The following PIK3CD variants were observed in gnomAD, a reference collection of about 807,000 sequenced individuals.
The protein encoded by PIK3CD is phosphatidylinositol 4,5-bisphosphate 3-kinase catalytic subunit delta isoform.
PIK3CD carries 20 observed loss-of-function variants against 122.9 expected under a neutral mutation model. The observed-to-expected ratio is 0.16, with a 90% CI of 0.11 to 0.24. PIK3CD has a LOEUF of 0.24. Ranked by LOEUF, PIK3CD falls within the 10% of genes least tolerant of loss-of-function variation. The probability of loss-of-function intolerance (pLI) is 1.00; values close to 1 mark genes in which losing one functional copy is unlikely to be tolerated. For synonymous variants in PIK3CD, 596 were observed against 593.4 expected, an observed-to-expected ratio of 1.00 and a Z score of -0.06; for missense variants, 787 against 1,406.3, an observed-to-expected ratio of 0.56 and a Z score of 7.04.
chr1:9,645,804 A>G, the PIK3CD span, among the ~76,000 whole-genome samples: 1 of 151,966 alleles, frequency 6.6e-6, no homozygotes, highest in East Asian at 1.9e-4. Context: ...ATGGGGTTTC[A>G]CCTGTTGGCC....
At chr1:9,726,138 G>A (rs900799703) in intron 23 of PIK3CD, among the ~76,000 whole-genome samples, 9 of 152,064 alleles carry the variant, frequency 5.9e-5, no homozygotes, top group African/African-American at 1.9e-4. Flanking sequence ...ACTTGAACAC[G>A]AGAGACTGAG....
Position 9,719,849 on chromosome 1 carries a change from C to A in PIK3CD, c.1243-72C>A. ...CTCTGGGTCTTCTCGGGTGGGGTGC[C>A]TGGGGGAGGGCAGGGAAGCTGGGTC... On this transcript the variant is annotated intron_variant, in intron 9 of 23. Transcript: ENST00000377346. This position sits in a 1 kb window ranked among gnomAD's most constrained non-coding sequence, Gnocchi z 5.5. 8.0e-7 allele frequency: 1 copy of A among 1,247,768 alleles called. No individual in the cohort carries two copies. Among genetic ancestry groups the A allele is most frequent in the Non-Finnish European group, 1.2e-6 (1 of 846,822 alleles). 77.3% of individuals were successfully genotyped at this position (1,247,768 alleles called of 1,614,324 possible).
At chr1:9,632,622 C>T in the PIK3CD span, among the ~76,000 whole-genome samples, 3 of 152,126 alleles carry the variant, frequency 2.0e-5, no homozygotes, top group Admixed American at 6.6e-5. Flanking sequence ...ACAAAGCACG[C>T]GCTGCAGCAT....
At chr1:9,650,912 TG>T (rs1644659438), upstream of PIK3CD, among the ~76,000 whole-genome samples, 1 of 152,178 alleles carries the variant, frequency 6.6e-6, no homozygotes, top group Non-Finnish European at 1.5e-5. Context: ...GGTGCCATCA[TG>T]GATCACTGCA....
Position 9,696,726 on chromosome 1 carries a change from A to C in PIK3CD, c.-33+5155A>C, listed in dbSNP as rs574314489. ...CTCAGCCTGGATGAGACCCTGTCCCAAAAAAAAAAAAAGAGAGAAGAAAAA... is the reference window on the plus strand; with the variant it reads ...CTCAGCCTGGATGAGACCCTGTCCCCAAAAAAAAAAAAGAGAGAAGAAAAA... On this transcript the variant is annotated intron_variant, in intron 2 of 23. Transcript: ENST00000377346. Among the ~76,000 whole-genome samples the C allele has an allele frequency of 3.2e-3, 428 of 135,690 alleles. 1 individual carries two copies. Among genetic ancestry groups the C allele is most frequent in the African/African-American group, 0.011 (401 of 35,510 alleles). The allele number at this position is 135,690 out of a possible 152,430, so 89.0% of individuals were successfully genotyped here.
chr1:9,647,479 CTAATTATTATTATTAT>C (rs1289359501), upstream of PIK3CD, among the ~76,000 whole-genome samples: 1 of 108,130 alleles, frequency 9.2e-6, no homozygotes, highest in African/African-American at 3.8e-5. Context: ...ATTCATGATT[CTAATTATTATTATTAT>C]TATTATTATT....
rs1646763897 is a variant in PIK3CD, at chr1:9,704,704, G to T, written c.-32-5720G>T. Among the ~76,000 whole-genome samples the T allele has an allele frequency of 6.6e-6, 1 of 152,096 alleles. No individual in the cohort carries two copies. On this transcript the variant is annotated intron_variant, in intron 2 of 23. Transcript: ENST00000377346. This position sits in a 1 kb window ranked among gnomAD's most constrained non-coding sequence, Gnocchi z 5.0. Reference sequence around the variant, plus strand: ...ATTTTTGTATTTTGTGTAGAGACAGGGTTTTACCATGTTTCGCAGGCTGGT... The same window carrying T: ...ATTTTTGTATTTTGTGTAGAGACAGTGTTTTACCATGTTTCGCAGGCTGGT...
Position 9,716,943 on chromosome 1 carries a change from C to T in PIK3CD, c.781-16C>T. On this transcript the variant is annotated splice_polypyrimidine_tract_variant and intron_variant, in intron 6 of 23. Coordinates refer to ENST00000377346, the MANE Select transcript of PIK3CD (RefSeq NM_005026.5). ...GGGGCCGCCCCACCAGCCGCTCACC[C>T]TGCACCCCGTCTCAGTACATCTGCA... The T allele has an allele frequency of 6.2e-7, 1 of 1,613,708 alleles. No homozygotes were observed. Among genetic ancestry groups the T allele is most frequent in the South Asian group, 1.1e-5 (1 of 91,090 alleles).
chr1:9,654,422 AGACTGGGAGGGC>A (rs1299510070), intron 1 of PIK3CD: 1 of 1,367,420 alleles, frequency 7.3e-7, no homozygotes, highest in African/African-American at 1.5e-5. Flanking sequence ...CAGGGCAGGC[AGACTGGGAGGGC>A]ATCAGCCCCT....
intron 1 of PIK3CD, among the ~76,000 whole-genome samples, chr1:9,659,167 G>C (rs574278546): frequency 6.6e-6 from 1 of 152,080 alleles, no homozygotes; most frequent in Admixed American, 6.6e-5. Flanking sequence ...TTGTGAGGGT[G>C]GGGTAGGGGG....
chr1:9,693,431 C>A (rs937712006), intron 2 of PIK3CD, among the ~76,000 whole-genome samples: 2 of 151,508 alleles, frequency 1.3e-5, no homozygotes, highest in Non-Finnish European at 2.9e-5. Flanking sequence ...CATGGTTTTG[C>A]CATGTTGGCC....
chr1:9,629,460 C>G, the PIK3CD span, among the ~76,000 whole-genome samples: 2 of 148,474 alleles, frequency 1.3e-5, no homozygotes, highest in Admixed American at 6.8e-5. Context: ...CCTGCCCCCC[C>G]ACCCCCGCCC....
At chr1:9,664,045 CTTTCT>C (rs1645087331) in intron 1 of PIK3CD, among the ~76,000 whole-genome samples, 3 of 137,762 alleles carry the variant, frequency 2.2e-5, no homozygotes, top group Non-Finnish European at 3.0e-5. Context: ...CTTTTTCTTT[CTTTCT>C]TTTTTTTTTT....
intron 3 of PIK3CD, among the ~76,000 whole-genome samples, chr1:9,712,732 G>A (rs1184654187): frequency 1.3e-5 from 2 of 152,080 alleles, no homozygotes; most frequent in Non-Finnish European, 2.9e-5. Flanking sequence ...GAGTAATATG[G>A]ACACATTACA....
At chr1:9,642,748 A>G in the PIK3CD span, among the ~76,000 whole-genome samples, 1 of 150,438 alleles carries the variant, frequency 6.6e-6, no homozygotes, top group East Asian at 2.0e-4. Context: ...GACCCACTGA[A>G]TGGTTCTCCA....
chr1:9,667,211 A>G (rs921372942), intron 1 of PIK3CD, among the ~76,000 whole-genome samples: 3 of 151,898 alleles, frequency 2.0e-5, no homozygotes, highest in African/African-American at 7.3e-5. Flanking sequence ...TGCACCTGTA[A>G]TCCCAGCTAC....
the PIK3CD span, among the ~76,000 whole-genome samples, chr1:9,640,975 C>G: frequency 6.6e-6 from 1 of 152,204 alleles, no homozygotes; most frequent in Non-Finnish European, 1.5e-5. Context: ...CATCCAGGTC[C>G]GTGCTCAGCT....
the PIK3CD span, among the ~76,000 whole-genome samples, chr1:9,645,328 T>G: frequency 2.0e-5 from 3 of 152,078 alleles, no homozygotes; most frequent in Non-Finnish European, 4.4e-5. Flanking sequence ...GCTTGAATGT[T>G]AAATTTAGCT....
chr1:9,631,917 C>A, the PIK3CD span, among the ~76,000 whole-genome samples: 1 of 151,978 alleles, frequency 6.6e-6, no homozygotes, highest in Non-Finnish European at 1.5e-5. Flanking sequence ...CTGTTGCATC[C>A]AGGGCTCTAT....
Sources: gnomAD v4.1 joint callset for allele counts (sites outside exome capture counted in the v4.1 genomes callset) on GRCh38, gnomAD v4.1.1 for gene constraint, Gnocchi (gnomAD v3.1) non-coding constraint, MANE v1.5 for transcripts, NCBI Gene and HGNC (gene_info 2026-07-23, HGNC 2026-07-21) for gene names.